The following TIMP2 variants were observed in gnomAD, a reference collection of about 807,000 sequenced individuals.
The protein encoded by TIMP2 is TIMP metallopeptidase inhibitor 2.
Under a neutral mutation model 24.3 loss-of-function variants are expected in TIMP2, and 5 were observed. That is an observed-to-expected ratio of 0.21 (90% CI 0.11 to 0.43). TIMP2 has a LOEUF of 0.43. TIMP2 is among the 20% of genes least tolerant of loss of function. TIMP2 has a pLI of 1.00. For synonymous variants in TIMP2, 130 were observed against 123.2 expected (o/e 1.06, Z -0.37); for missense variants, 221 against 297.5 (o/e 0.74, Z 1.89).
At chr17:78,909,215 C>G (rs142156621) in intron 1 of TIMP2, among the ~76,000 whole-genome samples, 23 of 151,988 alleles carry the variant, frequency 1.5e-4, no homozygotes, top group African/African-American at 5.3e-4. Context: ...ATTAGCCAAG[C>G]GTGGTGGCAC....
At chr17:78,923,510 C>T (rs954159732) in intron 1 of TIMP2, among the ~76,000 whole-genome samples, 1 of 152,052 alleles carries the variant, frequency 6.6e-6, no homozygotes. Context: ...TGCCCCAGCA[C>T]GTGCTGGTGA....
At chr17:78,881,054 T>C (rs2145760518) in intron 1 of TIMP2, among the ~76,000 whole-genome samples, 1 of 152,322 alleles carries the variant, frequency 6.6e-6, no homozygotes, top group East Asian at 1.9e-4. Flanking sequence ...CCAGACGAGG[T>C]GCAGGGATCC....
chr17:78,914,901 C>CTT (rs71161637), intron 1 of TIMP2, among the ~76,000 whole-genome samples: 2,021 of 138,552 alleles, frequency 0.015, 35 homozygotes, highest in African/African-American at 0.022. Context: ...TGGGCTTTTT[C>CTT]TTTTTTTTTT....
chr17:78,912,899 T>G (rs1357865456), intron 1 of TIMP2, among the ~76,000 whole-genome samples: 3 of 152,248 alleles, frequency 2.0e-5, no homozygotes, highest in Non-Finnish European at 4.4e-5. Flanking sequence ...GTGGCTGTGT[T>G]CCAATAAAAC....
intron 1 of TIMP2, among the ~76,000 whole-genome samples, chr17:78,900,419 C>T (rs1028383441): frequency 6.6e-6 from 1 of 152,034 alleles, no homozygotes; most frequent in African/African-American, 2.4e-5. Flanking sequence ...GTGGTATATG[C>T]CTGTAATCCC....
chr17:78,905,239 T>G (rs1206336912), intron 1 of TIMP2, among the ~76,000 whole-genome samples: 1 of 152,148 alleles, frequency 6.6e-6, no homozygotes, highest in Non-Finnish European at 1.5e-5. Context: ...CTTACCCCAG[T>G]GGCCACCCCG....
chr17:78,914,260 C>CATTTATTTATTT (rs200386858), intron 1 of TIMP2, among the ~76,000 whole-genome samples: 4,301 of 97,046 alleles, frequency 0.044, 94 homozygotes, highest in East Asian at 0.063. Flanking sequence ...TTTGGCTATT[C>CATTTATTTATTT]ATTTATTTAT....
Position 78,854,449 on chromosome 17 carries a change from A to G in TIMP2, c.*1218T>C, listed in dbSNP as rs1488296904. ...GTATATCTGCAACTCAGGTTCACCTATCATCTGAGAATTCACCTTTAGAAA... is the reference window on the plus strand; with the variant it reads ...GTATATCTGCAACTCAGGTTCACCTGTCATCTGAGAATTCACCTTTAGAAA... On this transcript the variant is annotated 3_prime_UTR_variant, in exon 5 of 5. Transcript: ENST00000262768. 1 of 151,904 alleles carries G rather than the reference A, an allele frequency of 6.6e-6. No homozygotes were observed. Among genetic ancestry groups the G allele is most frequent in the Non-Finnish European group, 1.5e-5 (1 of 68,006 alleles). The allele number at this position is 151,904 out of a possible 1,614,324, so 9.4% of individuals were successfully genotyped here.
rs777168796 is a variant in TIMP2 at position 78,873,928 on chromosome 17, C to T, written c.131-9G>A. The T allele has an allele frequency of 3.1e-6, 5 of 1,612,250 alleles. No homozygotes were observed. Among genetic ancestry groups the T allele is most frequent in the Non-Finnish European group, 4.2e-6 (5 of 1,179,596 alleles). ...CGCTTTGGCCCTGATCACTGCAAAA[C>T]ACAAGACACAGAGGTGAGGAGAGTT... On this transcript the variant is annotated splice_polypyrimidine_tract_variant and intron_variant, in intron 1 of 4. Coordinates refer to ENST00000262768, the MANE Select transcript of TIMP2 (RefSeq NM_003255.5).
At position 78,891,224 on chromosome 17, in the gene TIMP2, A is replaced by G. The variant is rs1031552466; in HGVS notation, c.131-17305T>C. 10 of 1,550,548 alleles carry G rather than the reference A, an allele frequency of 6.4e-6. No individual in the cohort carries two copies. The African/African-American group carries it at 1.1e-4, about 17-fold the overall frequency. ...ATATTTTTGGTTCTGGGCCTTGCCCATGAACGTTTTCAAGTCGGTCTTGGA... is the reference window on the plus strand; with the variant it reads ...ATATTTTTGGTTCTGGGCCTTGCCCGTGAACGTTTTCAAGTCGGTCTTGGA... On this transcript the variant is annotated intron_variant, in intron 1 of 4. Coordinates refer to ENST00000262768, the MANE Select transcript of TIMP2 (RefSeq NM_003255.5). The surrounding 1 kb of genome is among the most constrained non-coding windows in gnomAD (Gnocchi z 4.5).
rs2069994583 is a variant in TIMP2, at chr17:78,896,071, A to AT, written c.131-22153dup. On this transcript the variant is annotated intron_variant, in intron 1 of 4. Coordinates refer to ENST00000262768, the MANE Select transcript of TIMP2 (RefSeq NM_003255.5). The surrounding 1 kb of genome is among the most constrained non-coding windows in gnomAD (Gnocchi z 4.4). Reference sequence around the variant, plus strand: ...ACACATTTGGGCAGAGATCTTTGGGATAAGTCTAGAAAATTGCAGCCAGCT... The same window carrying AT: ...ACACATTTGGGCAGAGATCTTTGGGATTAAGTCTAGAAAATTGCAGCCAGCT... 2.6e-5 allele frequency among the ~76,000 whole-genome samples: 4 copies of AT among 152,324 alleles called. No individual in the cohort carries two copies. In the East Asian group the frequency reaches 7.7e-4, roughly 29 times the overall value.
At chr17:78,866,993 G>T (rs1289958371) in intron 3 of TIMP2, among the ~76,000 whole-genome samples, 5 of 152,208 alleles carry the variant, frequency 3.3e-5, no homozygotes, top group Admixed American at 2.6e-4. Flanking sequence ...GGGCGCGGTG[G>T]CTCACGCCTG....
At chr17:78,864,283 T>G (rs954800254) in intron 3 of TIMP2, among the ~76,000 whole-genome samples, 5 of 149,610 alleles carry the variant, frequency 3.3e-5, no homozygotes, top group African/African-American at 1.2e-4. Flanking sequence ...TCTTCTTCCC[T>G]CCCTCCTTTC....
At chr17:78,892,155 C>G (rs1335557495) in intron 1 of TIMP2, 1 of 1,550,952 alleles carries the variant, frequency 6.4e-7, no homozygotes, top group Non-Finnish European at 8.7e-7. Flanking sequence ...TCCTGATACC[C>G]TCTCCTCAAC....
At chr17:78,910,096 C>G (rs1462656823) in intron 1 of TIMP2, among the ~76,000 whole-genome samples, 1 of 152,148 alleles carries the variant, frequency 6.6e-6, no homozygotes, top group Non-Finnish European at 1.5e-5. Context: ...GTAATTAGCA[C>G]AGCCATCATC....
intron 1 of TIMP2, among the ~76,000 whole-genome samples, chr17:78,879,105 G>A (rs1449474247): frequency 2.0e-5 from 3 of 152,186 alleles, no homozygotes; most frequent in Non-Finnish European, 2.9e-5. Flanking sequence ...GCCCAGAGGT[G>A]ACAGCAGGTG....
intron 1 of TIMP2, among the ~76,000 whole-genome samples, chr17:78,880,028 G>T (rs2069765286): frequency 6.6e-6 from 1 of 152,018 alleles, no homozygotes; most frequent in South Asian, 2.1e-4. Context: ...ATCAGAGGCC[G>T]GACCGGCTGC....
chr17:78,904,688 C>T (rs987824507), intron 1 of TIMP2: 3 of 152,278 alleles, frequency 2.0e-5, no homozygotes, highest in African/African-American at 7.2e-5. Flanking sequence ...GCTGGGAAAA[C>T]GTGATTTCTG....
intron 1 of TIMP2, among the ~76,000 whole-genome samples, chr17:78,923,925 C>T (rs1486844078): frequency 6.6e-6 from 1 of 152,174 alleles, no homozygotes; most frequent in African/African-American, 2.4e-5. Context: ...TCCATCTGCC[C>T]TGGACAGGTC....
Sources: allele counts gnomAD v4.1 joint callset (sites outside exome capture counted in the v4.1 genomes callset), GRCh38; gene constraint gnomAD v4.1.1; non-coding constraint Gnocchi (gnomAD v3.1); transcripts MANE v1.5; gene names NCBI Gene and HGNC (gene_info 2026-07-23, HGNC 2026-07-21).